GTF3C5: variants seen among roughly 807,000 people sequenced by gnomAD.
GTF3C5 encodes the protein general transcription factor IIIC subunit 5.
A neutral mutation model predicts 61.0 loss-of-function variants in GTF3C5; 47 were observed. The ratio of observed to expected loss-of-function variants is 0.77; its 90% CI spans 0.61 to 0.98. The LOEUF (loss-of-function observed/expected upper bound fraction) is 0.98. Among genes scored for constraint, GTF3C5 ranks in the 50% least tolerant of loss-of-function variants. GTF3C5 has a pLI of 0.00. For synonymous variants in GTF3C5, 295 were observed against 275.4 expected, an observed-to-expected ratio of 1.07 and a Z score of -0.71; for missense variants, 659 against 703.3, an observed-to-expected ratio of 0.94 and a Z score of 0.71.
At position 133,042,322 on chromosome 9, in the gene GTF3C5, T is replaced by C. The variant is rs1850063280; in HGVS notation, c.373+16T>C. 2.0e-6 allele frequency: 3 copies of C among 1,487,042 alleles called. No homozygotes were observed. The highest frequency in any genetic ancestry group is 1.9e-6 in the Non-Finnish European group (2 of 1,064,248). The allele number at this position is 1,487,042 out of a possible 1,614,324, so 92.1% of individuals were successfully genotyped here. On this transcript the variant is annotated intron_variant, in intron 2 of 10. Transcript: ENST00000372097. ...AAATTTCAGGGTAACTGAAATCTGC[T>C]CTTGCAATGTCTGGTTATTTCAGGG... is the stretch of plus-strand genomic sequence containing the variant.
At chr9:133,039,087 G>A (rs1588464771) in intron 1 of GTF3C5, among the ~76,000 whole-genome samples, 2 of 152,238 alleles carry the variant, frequency 1.3e-5, no homozygotes, top group African/African-American at 4.8e-5. Flanking sequence ...GAACTTGTTC[G>A]AGGTCACACA....
intron 10 of GTF3C5, 36 bp downstream of exon 10, chr9:133,056,944 C>T: frequency 6.5e-7 from 1 of 1,537,910 alleles, no homozygotes; most frequent in Non-Finnish European, 8.8e-7. Flanking sequence ...GTCCAGGATG[C>T]CTGGTGATCT....
At chr9:133,054,675 C>T in intron 7 of GTF3C5, 37 bp from the exon 8 acceptor site, 1 of 1,526,062 alleles carries the variant, frequency 6.6e-7, no homozygotes. Context: ...TCCTCCCCAC[C>T]CTGCACATTC....
At chr9:133,042,392 C>T in intron 2 of GTF3C5, 86 bp downstream of exon 2, 1 of 894,812 alleles carries the variant, frequency 1.1e-6, no homozygotes, top group Non-Finnish European at 1.8e-6. Context: ...GTCATCTGCA[C>T]CAGTGGAGGG....
intron 8 of GTF3C5, chr9:133,055,663 G>T: frequency 1.0e-6 from 1 of 985,438 alleles, no homozygotes; most frequent in Non-Finnish European, 1.2e-6. Flanking sequence ...GCAGCAGTGG[G>T]TGAGGGATAA....
At chr9:133,054,612 T>G in intron 7 of GTF3C5, 100 bp from the exon 8 acceptor site, 1 of 1,395,722 alleles carries the variant, frequency 7.2e-7, no homozygotes, top group Non-Finnish European at 9.9e-7. Flanking sequence ...ATTCCTCCCC[T>G]AGGAGGGGGT....
At chr9:133,042,339 A>AT in intron 2 of GTF3C5, 33 bp downstream of exon 2, 1 of 1,419,378 alleles carries the variant, frequency 7.0e-7, no homozygotes, top group East Asian at 2.3e-5. Context: ...ATGTCTGGTT[A>AT]TTTCAGGGCT....
chr9:133,048,564 G>A (rs370813380), intron 3 of GTF3C5, among the ~76,000 whole-genome samples: 2 of 152,192 alleles, frequency 1.3e-5, no homozygotes, highest in South Asian at 4.1e-4. Flanking sequence ...AGCTACTTGG[G>A]GGGCTGAGGC....
intron 1 of GTF3C5, among the ~76,000 whole-genome samples, chr9:133,032,997 T>C (rs1322967599): frequency 6.6e-6 from 1 of 152,216 alleles, no homozygotes; most frequent in Non-Finnish European, 1.5e-5. Flanking sequence ...TTTCTAATGC[T>C]ATTCTATTTT....
At position 133,057,862 on chromosome 9, in the gene GTF3C5, C is replaced by T. The variant is rs749271925; in HGVS notation, c.1442C>T (p.Thr481Met). ...AKADGGKEQLTYESGEDEEDE... is the reference protein window; with the variant it reads ...AKADGGKEQLMYESGEDEEDE... ...GCTGATGGCGGAAAAGAGCAGCTGACGTACGAGTCTGGGGAAGACGAGGAG... is the reference window on the plus strand; with the variant it reads ...GCTGATGGCGGAAAAGAGCAGCTGATGTACGAGTCTGGGGAAGACGAGGAG... The change falls in exon 11 of 11, where the codon ACG becomes ATG. Residue 481 changes from threonine to methionine, a missense_variant. By Grantham distance (81) the Thr-to-Met change is moderately conservative. Transcript: ENST00000372097. 1.6e-5 allele frequency: 26 copies of T among 1,613,308 alleles called. No individual in the cohort carries two copies. The highest frequency in any genetic ancestry group is 1.6e-4 in the Middle Eastern group (1 of 6,076).
At chr9:133,055,421 G>A (rs757197705) in intron 8 of GTF3C5, 1 of 1,258,782 alleles carries the variant, frequency 7.9e-7, no homozygotes, top group African/African-American at 1.5e-5. Flanking sequence ...CCAGTGTCTG[G>A]GGCCCTGCCT....
At chr9:133,036,222 C>G (rs766317103) in intron 1 of GTF3C5, among the ~76,000 whole-genome samples, 1 of 152,160 alleles carries the variant, frequency 6.6e-6, no homozygotes, top group Non-Finnish European at 1.5e-5. Flanking sequence ...GATTTGGATT[C>G]CCTGTTAGGA....
intron 1 of GTF3C5, among the ~76,000 whole-genome samples, chr9:133,034,309 AC>A (rs1849808615): frequency 1.3e-5 from 2 of 152,012 alleles, no homozygotes; most frequent in African/African-American, 4.8e-5. Context: ...CCATACTTAT[AC>A]TTGTTTGACT....
rs143172359 is a variant in GTF3C5 at position 133,056,894 on chromosome 9, G to A, written c.1379G>A (p.Arg460His). The change falls in exon 10 of 11, where the codon CGC (arginine) becomes CAC (histidine). Residue 460 changes from arginine to histidine, a missense_variant. Transcript: ENST00000372097. ...TMSLMIRQTI[R>H]SKRPALFSSS... Reference sequence around the variant, plus strand: ...TCCCTCATGATCCGGCAGACCATCCGCTCCAAGAGGCCTGGTAAGAGCCGC... The same window carrying A: ...TCCCTCATGATCCGGCAGACCATCCACTCCAAGAGGCCTGGTAAGAGCCGC... 8.7e-6 allele frequency: 14 copies of A among 1,602,606 alleles called. No individual in the cohort carries two copies. The highest frequency in any genetic ancestry group is 2.7e-5 in the African/African-American group (2 of 74,380).
chr9:133,056,726 G>A (rs376768977), intron 9 of GTF3C5, 40 bp from the exon 10 acceptor site: 14 of 1,544,784 alleles, frequency 9.1e-6, no homozygotes, highest in African/African-American at 4.1e-5. Flanking sequence ...GCAGAGACCC[G>A]CCCTGGGACT....
chr9:133,052,721 G>A (rs909935718), intron 5 of GTF3C5, among the ~76,000 whole-genome samples: 8 of 152,214 alleles, frequency 5.3e-5, no homozygotes, highest in African/African-American at 1.7e-4. Context: ...ATGACTGTGA[G>A]GGTCTGCAAC....
intron 1 of GTF3C5, among the ~76,000 whole-genome samples, chr9:133,036,716 A>C (rs2519086): frequency 6.6e-6 from 1 of 151,966 alleles, no homozygotes; most frequent in South Asian, 2.1e-4. Flanking sequence ...AGGTATAAAG[A>C]TTTTGTTTTT....
At chr9:133,047,764 C>T (rs55965253) in intron 3 of GTF3C5, among the ~76,000 whole-genome samples, 4,484 of 152,278 alleles carry the variant, frequency 0.029, 73 homozygotes, top group East Asian at 0.066. Flanking sequence ...TCAGATGATC[C>T]GCCTGCCTCA....
At chr9:133,042,440 G>A in intron 2 of GTF3C5, 134 bp downstream of exon 2, 1 of 651,238 alleles carries the variant, frequency 1.5e-6, no homozygotes, top group South Asian at 1.8e-5. Flanking sequence ...GACACAGCAG[G>A]GCACAGGCCC....
Sources: allele counts gnomAD v4.1 joint callset (sites outside exome capture counted in the v4.1 genomes callset), GRCh38; gene constraint gnomAD v4.1.1; transcripts MANE v1.5; gene names NCBI Gene and HGNC (gene_info 2026-07-23, HGNC 2026-07-21).